CREM: variants seen among roughly 807,000 people sequenced by gnomAD.
The protein encoded by CREM is cAMP responsive element modulator.
A neutral mutation model predicts 37.3 loss-of-function variants in CREM; 13 were observed. The observed-to-expected ratio is 0.35, with a 90% CI of 0.23 to 0.55. The LOEUF is 0.55. Among genes scored for constraint, CREM ranks in the 20% least tolerant of loss-of-function variants. CREM has a pLI of 0.88. For missense variants in CREM, 296 were observed against 362.3 expected (o/e 0.82, Z 1.49); for synonymous variants, 124 against 120.2 (o/e 1.03, Z -0.21).
chr10:35,144,057 T>C (rs559736186), intron 2 of CREM, among the ~76,000 whole-genome samples: 2 of 152,310 alleles, frequency 1.3e-5, no homozygotes, highest in South Asian at 2.1e-4. Context: ...TGAAGTTTAG[T>C]TGTGGCTTAG....
chr10:35,212,029 A>G lies in CREM; in HGVS notation c.*631A>G, dbSNP rs2095670830. ...AATGTGTGTATTCTTAAAATGCAATATTTGTAAGGCTTGTTCCAATGCCAC... is the reference window on the plus strand; with the variant it reads ...AATGTGTGTATTCTTAAAATGCAATGTTTGTAAGGCTTGTTCCAATGCCAC... On this transcript the variant is annotated 3_prime_UTR_variant, in exon 8 of 8. Coordinates refer to ENST00000685392, the MANE Select transcript of CREM (RefSeq NM_183011.2). 1 of 419,298 alleles carries G rather than the reference A, an allele frequency of 2.4e-6. No individual in the cohort carries two copies. The highest frequency in any genetic ancestry group is 4.2e-6 in the Non-Finnish European group (1 of 240,114). 26.0% of individuals were successfully genotyped at this position (419,298 alleles called of 1,614,324 possible). A position where few individuals can be genotyped will look rare whatever the true frequency, so the allele number is the denominator to read the frequency against.
chr10:35,142,861 G>C (rs1289250441), intron 2 of CREM, among the ~76,000 whole-genome samples: 1 of 152,134 alleles, frequency 6.6e-6, no homozygotes, highest in African/African-American at 2.4e-5. Context: ...TTCTGCCTTG[G>C]CCCCCCAGAG....
chr10:35,201,895 A>G (rs1229824169), intron 6 of CREM, among the ~76,000 whole-genome samples: 3 of 152,230 alleles, frequency 2.0e-5, no homozygotes, highest in African/African-American at 7.2e-5. Context: ...TAAGCATTCT[A>G]AATGACAGCA....
intron 6 of CREM, among the ~76,000 whole-genome samples, chr10:35,197,881 G>A (rs1203593154): frequency 2.6e-5 from 4 of 152,086 alleles, no homozygotes; most frequent in Non-Finnish European, 5.9e-5. Flanking sequence ...CCTATGGATC[G>A]GCAGACCAAG....
chr10:35,170,305 T>C (rs893261912), intron 3 of CREM, among the ~76,000 whole-genome samples: 8 of 152,264 alleles, frequency 5.3e-5, no homozygotes, highest in African/African-American at 1.9e-4. Context: ...AGTTTGCCAG[T>C]ATTTTACTGA....
chr10:35,131,770 A>G (rs926775531), intron 1 of CREM, among the ~76,000 whole-genome samples: 1 of 152,222 alleles, frequency 6.6e-6, no homozygotes, highest in Non-Finnish European at 1.5e-5. Flanking sequence ...CAGATTTACT[A>G]TCTAGTAGTT....
At chr10:35,171,451 C>T (rs1296167205) in intron 3 of CREM, 1 of 152,078 alleles carries the variant, frequency 6.6e-6, no homozygotes. Flanking sequence ...GGATTACAGT[C>T]ATGAGGACTT....
chr10:35,134,430 T>C lies in CREM; in HGVS notation c.-54-3352T>C, dbSNP rs898906665. The stretch of plus-strand genomic sequence containing the variant: ...CAGGGTTTCGCCATGTTGGCCAGAC[T>C]GGTCTTGAACTCTTGACCTCAGGCG... On this transcript the variant is annotated intron_variant, in intron 1 of 7. Coordinates refer to ENST00000685392, the MANE Select transcript of CREM (RefSeq NM_183011.2). 2.0e-5 allele frequency among the ~76,000 whole-genome samples: 3 copies of C among 152,174 alleles called. 1 individual carries two copies. Among genetic ancestry groups the C allele is most frequent in the Admixed American group, 2.0e-4 (3 of 15,280 alleles).
chr10:35,204,616 A>T (rs1023899378), intron 6 of CREM, among the ~76,000 whole-genome samples: 53 of 150,546 alleles, frequency 3.5e-4, no homozygotes, highest in African/African-American at 1.3e-3. Flanking sequence ...AAAAAAAAAA[A>T]ATCAATTATT....
chr10:35,170,925 A>C (rs2093784101), intron 3 of CREM, among the ~76,000 whole-genome samples: 1 of 152,060 alleles, frequency 6.6e-6, no homozygotes, highest in African/African-American at 2.4e-5. Flanking sequence ...TTTCTTTTTT[A>C]AAAGGAGACA....
At chr10:35,195,355 T>A in intron 6 of CREM, 1 of 812,168 alleles carries the variant, frequency 1.2e-6, no homozygotes, top group Non-Finnish European at 2.0e-6. Flanking sequence ...AATATACATC[T>A]ATATATTCAG....
intron 6 of CREM, chr10:35,201,468 G>A: frequency 6.4e-7 from 1 of 1,551,588 alleles, no homozygotes; most frequent in Non-Finnish European, 8.7e-7. Context: ...AACTGAACTT[G>A]CCCCAAGTCA....
chr10:35,167,441 A>G (rs1466722827), intron 3 of CREM: 3 of 376,600 alleles, frequency 8.0e-6, no homozygotes, highest in Non-Finnish European at 1.4e-5. Context: ...TTGTGAATTC[A>G]CATTTTAAAA....
At chr10:35,171,617 A>G (rs1276243914) in intron 3 of CREM, among the ~76,000 whole-genome samples, 1 of 152,224 alleles carries the variant, frequency 6.6e-6, no homozygotes, top group African/African-American at 2.4e-5. Flanking sequence ...ATTTCTTTGA[A>G]GCTGGGCATT....
In CREM at chr10:35,131,456, AT is replaced by A. The variant is rs770091328; in HGVS notation, c.-55+4272del. ...TTTTTTATTGATAGCACAAAAAATGATTTTTTTTTGGCTTAGAAATGTTTTT... is the reference window on the plus strand; with the variant it reads ...TTTTTTATTGATAGCACAAAAAATGATTTTTTTTGGCTTAGAAATGTTTTT... On this transcript the variant is annotated intron_variant, in intron 1 of 7. Transcript: ENST00000685392. Among the ~76,000 whole-genome samples the A allele has an allele frequency of 6.4e-3, 968 of 151,438 alleles. 12 individuals carry two copies. Among genetic ancestry groups the A allele is most frequent in the African/African-American group, 0.022 (896 of 41,322 alleles).
chr10:35,169,693 C>A (rs898321593), intron 3 of CREM, among the ~76,000 whole-genome samples: 22 of 152,222 alleles, frequency 1.4e-4, no homozygotes, highest in Admixed American at 1.2e-3. Flanking sequence ...GAATGCTTCC[C>A]ATTTTTGCCC....
Position 35,196,100 on chromosome 10 carries a change from G to T in CREM, c.598+7712G>T, listed in dbSNP as rs137918654. On this transcript the variant is annotated intron_variant, in intron 6 of 7. Transcript: ENST00000685392. ...CAGGAGTTGTCTGGCCAGCTTAGTG[G>T]TAAGATCGAGCCTCCTACTGAGGCC... 6.5e-4 allele frequency: 1,044 copies of T among 1,614,172 alleles called. 17 individuals are homozygous for T. The East Asian group carries it at 0.018, about 28-fold the overall frequency.
At chr10:35,131,835 G>A (rs2089438436) in intron 1 of CREM, among the ~76,000 whole-genome samples, 1 of 152,144 alleles carries the variant, frequency 6.6e-6, no homozygotes, top group Non-Finnish European at 1.5e-5. Context: ...TTAATGTGCA[G>A]TAAAGAAGCA....
chr10:35,175,005 G>C lies in CREM; in HGVS notation c.169-3884G>C, dbSNP rs533951823. On this transcript the variant is annotated intron_variant, in intron 3 of 7. Transcript: ENST00000685392. ...CTTTCTCTGGGTCAGAGACACCAGG[G>C]GCTTGAAAGGTCCTGGAATTTCTTC... Among the ~76,000 whole-genome samples, 463 of 152,310 alleles carry C rather than the reference G, an allele frequency of 3.0e-3. 4 individuals carry two copies. Among genetic ancestry groups the C allele is most frequent in the Middle Eastern group, 6.8e-3 (2 of 294 alleles).
Sources: gnomAD v4.1 joint callset for allele counts (sites outside exome capture counted in the v4.1 genomes callset) on GRCh38, gnomAD v4.1.1 for gene constraint, MANE v1.5 for transcripts, NCBI Gene and HGNC (gene_info 2026-07-23, HGNC 2026-07-21) for gene names.